Variants in TBCD observed in about 807,000 individuals in gnomAD.
TBCD encodes the protein tubulin folding cofactor D.
In TBCD, 105 loss-of-function variants were observed where a neutral mutation model predicts 169.3. The ratio of observed to expected loss-of-function variants is 0.62; its 90% CI spans 0.53 to 0.73. The LOEUF is 0.73. Ranked by LOEUF, TBCD falls within the 30% of genes least tolerant of loss-of-function variation. TBCD has a pLI of 0.00. For missense variants in TBCD, 1,444 were observed against 1,600.1 expected, an observed-to-expected ratio of 0.90 and a Z score of 1.66; for synonymous variants, 700 against 643.9, an observed-to-expected ratio of 1.09 and a Z score of -1.32.
At chr17:82,778,939 G>A (rs1449458071) in intron 6 of TBCD, among the ~76,000 whole-genome samples, 9 of 152,122 alleles carry the variant, frequency 5.9e-5, no homozygotes, top group Admixed American at 1.3e-4. Flanking sequence ...TGGGATTACA[G>A]GCATGAGCCA....
chr17:82,914,207 C>G lies in TBCD; in HGVS notation c.2038+2418C>G, dbSNP rs554641990. 4 of 152,418 alleles carry G rather than the reference C, an allele frequency of 2.6e-5. No individual in the cohort carries two copies. In the South Asian group the frequency reaches 8.3e-4, roughly 32 times the overall value. The allele number at this position is 152,418 out of a possible 1,614,324, so 9.4% of individuals were successfully genotyped here. A position where few individuals can be genotyped will look rare whatever the true frequency, so the allele number is the denominator to read the frequency against. On this transcript the variant is annotated intron_variant, in intron 23 of 38. Coordinates refer to ENST00000355528, the MANE Select transcript of TBCD (RefSeq NM_005993.5). ...CCCTTACCGCGGTTTCGGTGTTTGGCGTCTTCACGCCATCCGGGTTCTCGG... is the reference window on the plus strand; with the variant it reads ...CCCTTACCGCGGTTTCGGTGTTTGGGGTCTTCACGCCATCCGGGTTCTCGG...
intron 6 of TBCD, among the ~76,000 whole-genome samples, chr17:82,776,652 C>G (rs1915035457): frequency 6.6e-6 from 1 of 152,154 alleles, no homozygotes; most frequent in Non-Finnish European, 1.5e-5. Flanking sequence ...CACTTCCTGC[C>G]TCTTGTGAGC....
intron 2 of TBCD, among the ~76,000 whole-genome samples, chr17:82,758,397 A>ATAAAT (rs1453813033): frequency 2.7e-4 from 34 of 127,478 alleles, no homozygotes; most frequent in African/African-American, 9.1e-4. Context: ...AAAAAAAAAA[A>ATAAAT]AAAAAATAAA....
chr17:82,911,174 T>G (rs2060613668), intron 22 of TBCD, among the ~76,000 whole-genome samples: 1 of 152,212 alleles, frequency 6.6e-6, no homozygotes, highest in African/African-American at 2.4e-5. Flanking sequence ...GCATTTCATA[T>G]GTTGCATTCT....
rs1456552953 is a variant in TBCD, at chr17:82,835,687, A to G, written c.1318+20753A>G. On this transcript the variant is annotated intron_variant, in intron 13 of 38. Coordinates refer to ENST00000355528, the MANE Select transcript of TBCD (RefSeq NM_005993.5). The surrounding 1 kb of genome is among the most constrained non-coding windows in gnomAD (Gnocchi z 4.5). ...CGATCTGCCCGCCTCAGCCTCCCAAAGTGCTGGGATTACAGGCATGAGCCA... is the reference window on the plus strand; with the variant it reads ...CGATCTGCCCGCCTCAGCCTCCCAAGGTGCTGGGATTACAGGCATGAGCCA... Among the ~76,000 whole-genome samples the G allele has an allele frequency of 6.6e-6, 1 of 152,114 alleles. No homozygotes were observed. Among genetic ancestry groups the G allele is most frequent in the Non-Finnish European group, 1.5e-5 (1 of 68,016 alleles).
At chr17:82,771,285 A>G (rs1187957665) in intron 5 of TBCD, among the ~76,000 whole-genome samples, 3 of 152,052 alleles carry the variant, frequency 2.0e-5, no homozygotes, top group African/African-American at 7.2e-5. Context: ...AGCAGCCTAG[A>G]CAATATAATG....
intron 12 of TBCD, among the ~76,000 whole-genome samples, chr17:82,814,602 G>A (rs989036174): frequency 3.3e-5 from 5 of 152,164 alleles, no homozygotes; most frequent in South Asian, 2.1e-4. Context: ...TGCAACCTCC[G>A]CCTCCCTGGT....
intron 13 of TBCD, among the ~76,000 whole-genome samples, chr17:82,851,958 G>A (rs1276858497): frequency 1.3e-5 from 2 of 152,156 alleles, no homozygotes; most frequent in Non-Finnish European, 2.9e-5. Context: ...AAGCGGGAAC[G>A]ATTACTGTTG....
At chr17:82,899,109 G>A (rs1488654860) in intron 17 of TBCD, among the ~76,000 whole-genome samples, 1 of 150,836 alleles carries the variant, frequency 6.6e-6, no homozygotes, top group Non-Finnish European at 1.5e-5. Context: ...GGGACCGTCC[G>A]CAGCGCGTGT....
intron 5 of TBCD, among the ~76,000 whole-genome samples, chr17:82,769,658 C>T (rs2048203067): frequency 6.6e-6 from 1 of 152,100 alleles, no homozygotes; most frequent in Non-Finnish European, 1.5e-5. Flanking sequence ...GGGCAGATCA[C>T]GTGAGGTTAG....
chr17:82,818,136 G>A (rs536592439), intron 13 of TBCD, among the ~76,000 whole-genome samples: 4 of 152,380 alleles, frequency 2.6e-5, no homozygotes, highest in African/African-American at 4.8e-5. Context: ...CATCATAAAC[G>A]AAAAGGGTAA....
intron 13 of TBCD, among the ~76,000 whole-genome samples, chr17:82,819,201 G>A (rs1212547464): frequency 1.3e-5 from 2 of 152,258 alleles, no homozygotes; most frequent in Admixed American, 6.5e-5. Flanking sequence ...TGCTAAAGGA[G>A]GAAGAAGTAA....
chr17:82,778,765 G>T (rs1183576752), intron 6 of TBCD, among the ~76,000 whole-genome samples: 1 of 151,322 alleles, frequency 6.6e-6, no homozygotes, highest in African/African-American at 2.4e-5. Flanking sequence ...TGGTTCAAGT[G>T]ATTATCCTGC....
At chr17:82,762,827 C>G (rs1310583398) in intron 2 of TBCD, among the ~76,000 whole-genome samples, 1 of 151,980 alleles carries the variant, frequency 6.6e-6, no homozygotes, top group Non-Finnish European at 1.5e-5. Flanking sequence ...TTTCTACCAA[C>G]AAGGTATGAG....
At position 82,874,137 on chromosome 17, in the gene TBCD, G is replaced by T. The variant is rs1482762850; in HGVS notation, c.1475+3757G>T. 6.6e-6 allele frequency among the ~76,000 whole-genome samples: 1 copy of T among 152,212 alleles called. No homozygotes were observed. Among genetic ancestry groups the T allele is most frequent in the Admixed American group, 6.5e-5 (1 of 15,288 alleles). On this transcript the variant is annotated intron_variant, in intron 14 of 38. Coordinates refer to ENST00000355528, the MANE Select transcript of TBCD (RefSeq NM_005993.5). The surrounding 1 kb of genome is among the most constrained non-coding windows in gnomAD (Gnocchi z 5.0). ...GGGGTGCTCCCTGGGGGTTGTGTGT[G>T]TGTGGGTCCCACGGTGGGAGGTGGG...
rs781471390 is a variant in TBCD at position 82,805,998 on chromosome 17, G to A, written c.1074G>A (p.Val358=). The A allele has an allele frequency of 6.0e-5, 97 of 1,613,628 alleles. No individual in the cohort carries two copies. The highest frequency in any genetic ancestry group is 7.6e-5 in the Non-Finnish European group (90 of 1,179,720). ...DDEDDDVPEG[V]ERVIEQLLVG... The stretch of plus-strand genomic sequence containing the variant: ...AAGATGACGACGTCCCAGAGGGGGT[G>A]GAGCGTGTGATAGGTGCGTGGGGTC... Residue 358 remains valine (V), a synonymous_variant, in exon 10 of 39, where the codon GTG becomes GTA. Transcript: ENST00000355528.
At position 82,789,852 on chromosome 17, in the gene TBCD, T is replaced by G. The variant is rs1386573974; in HGVS notation, c.772-7905T>G. 6.6e-6 allele frequency among the ~76,000 whole-genome samples: 1 copy of G among 152,174 alleles called. No homozygotes were observed. Among genetic ancestry groups the G allele is most frequent in the Non-Finnish European group, 1.5e-5 (1 of 68,016 alleles). ...GTCCCAGGTCACACCTGTTGTACCA[T>G]CACTTTCCCCTCCTGGCCTGTTTAC... is the stretch of plus-strand genomic sequence containing the variant. On this transcript the variant is annotated intron_variant, in intron 7 of 38. Transcript: ENST00000355528. This position sits in a 1 kb window ranked among gnomAD's most constrained non-coding sequence, Gnocchi z 4.8.
chr17:82,794,194 G>A (rs193298509), intron 7 of TBCD, among the ~76,000 whole-genome samples: 19 of 152,348 alleles, frequency 1.2e-4, no homozygotes, highest in African/African-American at 4.6e-4. Flanking sequence ...TTGGCAGCGG[G>A]TGAGCTTGCT....
intron 6 of TBCD, among the ~76,000 whole-genome samples, chr17:82,773,096 A>G (rs1400302369): frequency 6.6e-6 from 1 of 152,224 alleles, no homozygotes; most frequent in Non-Finnish European, 1.5e-5. Flanking sequence ...ATGTGATTTT[A>G]AGTATGTATG....
Sources: gnomAD v4.1 joint callset for allele counts (sites outside exome capture counted in the v4.1 genomes callset) on GRCh38, gnomAD v4.1.1 for gene constraint, Gnocchi (gnomAD v3.1) non-coding constraint, MANE v1.5 for transcripts, NCBI Gene and HGNC (gene_info 2026-07-23, HGNC 2026-07-21) for gene names.